The following PBX4 variants were observed in gnomAD, a reference collection of about 807,000 sequenced individuals.
The protein encoded by PBX4 is pre-B-cell leukemia transcription factor 4.
Under a neutral mutation model 35.1 loss-of-function variants are expected in PBX4, and 26 were observed. That is an observed-to-expected ratio of 0.74 (90% CI 0.54 to 1.03). The LOEUF (loss-of-function observed/expected upper bound fraction) is 1.03, where lower values mean the gene tolerates loss of function less well. Ranked by LOEUF, PBX4 falls within the 50% of genes least tolerant of loss-of-function variation. The pLI is 0.00. For missense variants in PBX4, 448 were observed against 504.3 expected (o/e 0.89, Z 1.07); for synonymous variants, 199 against 204.2 (o/e 0.97, Z 0.22).
chr19:19,568,122 C>A (rs1185091019), intron 5 of PBX4, among the ~76,000 whole-genome samples: 4 of 148,120 alleles, frequency 2.7e-5, no homozygotes, highest in African/African-American at 7.5e-5. Flanking sequence ...CATCTGTATC[C>A]CTCAGGGAGC....
Position 19,562,091 on chromosome 19 carries a change from G to T in PBX4, c.1059C>A (p.Thr353=). ...SQAQGSWQGA[T]PQPATASPAG... ...CAGGTGAGGCAGTTGCAGGTTGGGG[G>T]GTGGCCCCCTGCCAGCTACCCTGGG... The change falls in exon 8 of 8, where the codon ACC becomes ACA. Residue 353 remains threonine (T), a synonymous_variant. Coordinates refer to ENST00000251203, the MANE Select transcript of PBX4 (RefSeq NM_025245.3). The surrounding 1 kb of genome is among the most constrained non-coding windows in gnomAD (Gnocchi z 4.8). 1.2e-6 allele frequency: 2 copies of T among 1,612,406 alleles called. No individual in the cohort carries two copies. Among genetic ancestry groups the T allele is most frequent in the Non-Finnish European group, 1.7e-6 (2 of 1,179,402 alleles).
intron 2 of PBX4, among the ~76,000 whole-genome samples, chr19:19,587,024 A>G (rs150932566): frequency 0.015 from 2,287 of 152,152 alleles, 80 homozygotes; most frequent in South Asian, 0.076. Flanking sequence ...AATTTTTTTG[A>G]GACGCAGTCT....
chr19:19,562,176 C>T lies in PBX4; in HGVS notation c.1033-59G>A. 1 of 1,343,512 alleles carries T rather than the reference C, an allele frequency of 7.4e-7. No individual in the cohort carries two copies. The highest frequency in any genetic ancestry group is 1.0e-6 in the Non-Finnish European group (1 of 967,252). The allele number at this position is 1,343,512 out of a possible 1,614,324, so 83.2% of individuals were successfully genotyped here. A position where few individuals can be genotyped will look rare whatever the true frequency, so the allele number is the denominator to read the frequency against. ...GGCCGTGAGACTGGTGACTACCCAG[C>T]CCACGTGCTGCAGGCGGAGCCTCCA... On this transcript the variant is annotated intron_variant, in intron 7 of 7. Transcript: ENST00000251203. This position sits in a 1 kb window ranked among gnomAD's most constrained non-coding sequence, Gnocchi z 4.8.
At chr19:19,584,903 C>T (rs933606352) in intron 2 of PBX4, among the ~76,000 whole-genome samples, 1 of 151,950 alleles carries the variant, frequency 6.6e-6, no homozygotes, top group Non-Finnish European at 1.5e-5. Flanking sequence ...ATTACAGGCG[C>T]GAGCCACCTC....
chr19:19,592,345 CGAG>C (rs1280004459), intron 2 of PBX4, among the ~76,000 whole-genome samples: 2 of 152,268 alleles, frequency 1.3e-5, no homozygotes, highest in African/African-American at 4.8e-5. Flanking sequence ...CTCTAGACAC[CGAG>C]GAGGACAGCT....
intron 6 of PBX4, among the ~76,000 whole-genome samples, chr19:19,564,126 A>C (rs983243341): frequency 2.2e-5 from 3 of 138,758 alleles, no homozygotes; most frequent in Non-Finnish European, 3.1e-5. Flanking sequence ...ATATCTCCCA[A>C]TGCTATCCCT....
intron 2 of PBX4, among the ~76,000 whole-genome samples, chr19:19,578,328 G>A (rs1017942542): frequency 6.6e-6 from 1 of 152,204 alleles, no homozygotes; most frequent in African/African-American, 2.4e-5. Context: ...CCTGCCAGCT[G>A]CCTCTTGGGT....
At chr19:19,571,067 C>T (rs530466283) in intron 2 of PBX4, among the ~76,000 whole-genome samples, 1 of 152,322 alleles carries the variant, frequency 6.6e-6, no homozygotes, top group East Asian at 1.9e-4. Flanking sequence ...AGACACAGGT[C>T]GCAGTTTGGC....
At chr19:19,610,206 G>T (rs2061655478) in intron 1 of PBX4, among the ~76,000 whole-genome samples, 1 of 152,180 alleles carries the variant, frequency 6.6e-6, no homozygotes, top group African/African-American at 2.4e-5. Context: ...CTGAGGTTGG[G>T]AGTTCGAGAC....
chr19:19,585,683 G>A (rs948108268), intron 2 of PBX4, among the ~76,000 whole-genome samples: 8 of 152,198 alleles, frequency 5.3e-5, no homozygotes, highest in Admixed American at 1.3e-4. Flanking sequence ...ATTGTAATTT[G>A]TTTCTGCCCC....
chr19:19,601,376 C>T (rs929926571), intron 1 of PBX4, among the ~76,000 whole-genome samples: 1 of 152,182 alleles, frequency 6.6e-6, no homozygotes, highest in Non-Finnish European at 1.5e-5. Flanking sequence ...AGAAGTTAGA[C>T]TGGCAAGTGG....
intron 2 of PBX4, 35 bp downstream of exon 2, chr19:19,599,257 A>G: frequency 1.3e-6 from 2 of 1,568,962 alleles, no homozygotes; most frequent in Non-Finnish European, 1.7e-6. Flanking sequence ...ATGAGCCACC[A>G]CGCTCGGCCA....
chr19:19,588,375 C>T, intron 2 of PBX4: 2 of 1,350,184 alleles, frequency 1.5e-6, no homozygotes, highest in Non-Finnish European at 2.1e-6. Context: ...CAACACCAGC[C>T]TGCTTGCGGC....
At chr19:19,593,358 C>T (rs1049794992) in intron 2 of PBX4, among the ~76,000 whole-genome samples, 3 of 152,226 alleles carry the variant, frequency 2.0e-5, no homozygotes, top group Admixed American at 6.5e-5. Context: ...CTTCAAGAGG[C>T]GGCCCGTGGG....
intron 1 of PBX4, among the ~76,000 whole-genome samples, chr19:19,607,572 T>C (rs984293775): frequency 2.0e-5 from 3 of 152,190 alleles, no homozygotes; most frequent in Non-Finnish European, 4.4e-5. Flanking sequence ...AGTGAAAGCA[T>C]AGAGCTTTAT....
intron 2 of PBX4, among the ~76,000 whole-genome samples, chr19:19,582,757 A>G (rs1261354895): frequency 6.6e-6 from 1 of 152,244 alleles, no homozygotes; most frequent in Non-Finnish European, 1.5e-5. Flanking sequence ...GCTAAGCTGA[A>G]AGAGCACACT....
chr19:19,597,263 C>T (rs2061567055), intron 2 of PBX4, among the ~76,000 whole-genome samples: 1 of 152,164 alleles, frequency 6.6e-6, no homozygotes, highest in Non-Finnish European at 1.5e-5. Context: ...TTAGGGACAT[C>T]ATGTCCTCAT....
At chr19:19,579,973 T>G (rs1298506644) in intron 2 of PBX4, 1 of 152,366 alleles carries the variant, frequency 6.6e-6, no homozygotes, top group East Asian at 1.9e-4. Context: ...GAATGAGCGT[T>G]GGAGACGGAT....
At chr19:19,609,979 T>G (rs16996185) in intron 1 of PBX4, among the ~76,000 whole-genome samples, 15,639 of 152,296 alleles carry the variant, frequency 0.1, 917 homozygotes, top group African/African-American at 0.16. Flanking sequence ...ATAGAGGCAC[T>G]CGGTAGCTGT....
Sources: gnomAD v4.1 joint callset for allele counts (sites outside exome capture counted in the v4.1 genomes callset) on GRCh38, gnomAD v4.1.1 for gene constraint, Gnocchi (gnomAD v3.1) non-coding constraint, MANE v1.5 for transcripts, NCBI Gene and HGNC (gene_info 2026-07-23, HGNC 2026-07-21) for gene names.